CNGB3: variants seen among roughly 807,000 people sequenced by gnomAD.
CNGB3 encodes the protein cyclic nucleotide gated channel subunit beta 3.
In CNGB3, 86 loss-of-function variants were observed where a neutral mutation model predicts 92.8. That is an observed-to-expected ratio of 0.93 (90% CI 0.78 to 1.11). The LOEUF is 1.11. CNGB3 is among the 50% of genes least tolerant of loss of function. CNGB3 has a pLI of 0.00. For missense variants in CNGB3, 1,026 were observed against 956.8 expected (o/e 1.07, Z -0.95); for synonymous variants, 333 against 332.7 (o/e 1.00, Z -0.01).
chr8:86,698,073 A>C (rs1824484586), intron 3 of CNGB3, among the ~76,000 whole-genome samples: 1 of 152,120 alleles, frequency 6.6e-6, no homozygotes, highest in Non-Finnish European at 1.5e-5. Context: ...TTATTTTCTA[A>C]GTGCTCAAAA....
intron 15 of CNGB3, among the ~76,000 whole-genome samples, chr8:86,588,474 T>C (rs1585950672): frequency 6.9e-6 from 1 of 144,384 alleles, no homozygotes; most frequent in South Asian, 2.3e-4. Flanking sequence ...TGGCTGTGGG[T>C]TTGTCATAGA....
intron 3 of CNGB3, among the ~76,000 whole-genome samples, chr8:86,696,183 G>T (rs981274052): frequency 6.6e-6 from 1 of 152,180 alleles, no homozygotes; most frequent in Non-Finnish European, 1.5e-5. Flanking sequence ...ATTAGCCAGG[G>T]CGTTGCAGGC....
chr8:86,736,366 C>G (rs1825251329), intron 2 of CNGB3, among the ~76,000 whole-genome samples: 1 of 152,142 alleles, frequency 6.6e-6, no homozygotes, highest in Admixed American at 6.5e-5. Flanking sequence ...TCCTTCTACT[C>G]AAATAGCTCC....
chr8:86,596,338 A>G (rs1822170775), intron 15 of CNGB3, among the ~76,000 whole-genome samples: 1 of 152,190 alleles, frequency 6.6e-6, no homozygotes, highest in South Asian at 2.1e-4. Flanking sequence ...ATATTACAAG[A>G]GTTATAGAAA....
chr8:86,695,891 C>T (rs1181265797), intron 3 of CNGB3, among the ~76,000 whole-genome samples: 1 of 152,100 alleles, frequency 6.6e-6, no homozygotes, highest in Non-Finnish European at 1.5e-5. Flanking sequence ...TTCCTGAGAG[C>T]TAGACCACAG....
chr8:86,638,173 C>A (rs994573164), intron 10 of CNGB3, among the ~76,000 whole-genome samples: 3 of 152,090 alleles, frequency 2.0e-5, no homozygotes, highest in Admixed American at 6.6e-5. Context: ...AATAGAGCTT[C>A]TGTGAAAATT....
chr8:86,708,310 G>A (rs576174305), intron 3 of CNGB3, among the ~76,000 whole-genome samples: 19 of 152,196 alleles, frequency 1.2e-4, no homozygotes, highest in African/African-American at 3.6e-4. Context: ...AGTGAGGGAC[G>A]GTAGCAGTCA....
intron 11 of CNGB3, among the ~76,000 whole-genome samples, chr8:86,630,087 GCC>G (rs1822931851): frequency 6.6e-6 from 1 of 152,054 alleles, no homozygotes; most frequent in Admixed American, 6.6e-5. Flanking sequence ...CATTTTTAGA[GCC>G]AAAAAATTCT....
At chr8:86,703,542 G>A (rs1381110362) in intron 3 of CNGB3, among the ~76,000 whole-genome samples, 2 of 152,176 alleles carry the variant, frequency 1.3e-5, no homozygotes, top group Non-Finnish European at 2.9e-5. Flanking sequence ...CGGCACTAGA[G>A]GGCAGTGTGA....
At chr8:86,701,464 A>G (rs1824554482) in intron 3 of CNGB3, among the ~76,000 whole-genome samples, 1 of 152,178 alleles carries the variant, frequency 6.6e-6, no homozygotes, top group Non-Finnish European at 1.5e-5. Flanking sequence ...CATCTCATAA[A>G]TCTTCTAATT....
intron 6 of CNGB3, chr8:86,659,796 G>T: frequency 2.6e-6 from 1 of 379,368 alleles, no homozygotes. Context: ...TCAGTTGCTT[G>T]CTTTCTTTTC....
At chr8:86,625,796 A>G (rs963178110) in intron 13 of CNGB3, among the ~76,000 whole-genome samples, 187 bp downstream of exon 13, 2 of 151,784 alleles carry the variant, frequency 1.3e-5, no homozygotes. Context: ...AGAGGGTTCT[A>G]AAGAATAAGC....
intron 12 of CNGB3, among the ~76,000 whole-genome samples, chr8:86,627,138 A>T (rs56254697): frequency 2.0e-5 from 3 of 152,058 alleles, no homozygotes; most frequent in Admixed American, 6.6e-5. Flanking sequence ...TTTAGAAAAG[A>T]GAGAAATTGC....
chr8:86,612,853 A>G (rs1420176994), intron 13 of CNGB3, among the ~76,000 whole-genome samples: 1 of 152,230 alleles, frequency 6.6e-6, no homozygotes, highest in Non-Finnish European at 1.5e-5. Flanking sequence ...AATACTGATG[A>G]GAAGCTGTTT....
At chr8:86,717,738 C>T (rs1272495914) in intron 3 of CNGB3, among the ~76,000 whole-genome samples, 2 of 152,106 alleles carry the variant, frequency 1.3e-5, no homozygotes, top group Non-Finnish European at 1.5e-5. Flanking sequence ...CTGGAACATT[C>T]TTCAAGATAG....
At chr8:86,667,878 G>C in intron 5 of CNGB3, 141 bp downstream of exon 5, 1 of 936,122 alleles carries the variant, frequency 1.1e-6, no homozygotes, top group African/African-American at 1.6e-5. Context: ...ATCCTTTGCA[G>C]GTTATTTAAT....
At chr8:86,739,104 T>C (rs1247758813) in intron 2 of CNGB3, among the ~76,000 whole-genome samples, 1 of 151,942 alleles carries the variant, frequency 6.6e-6, no homozygotes, top group Non-Finnish European at 1.5e-5. Flanking sequence ...TAGTGATGAG[T>C]TGAAAAATAT....
At chr8:86,640,485 G>A (rs1455157489) in intron 10 of CNGB3, among the ~76,000 whole-genome samples, 1 of 152,064 alleles carries the variant, frequency 6.6e-6, no homozygotes, top group Non-Finnish European at 1.5e-5. Flanking sequence ...GCATGGTAAG[G>A]AAGTCCCCTC....
At chr8:86,714,246 C>G (rs1824805058) in intron 3 of CNGB3, among the ~76,000 whole-genome samples, 1 of 152,114 alleles carries the variant, frequency 6.6e-6, no homozygotes, top group African/African-American at 2.4e-5. Context: ...TTTGCCTTCT[C>G]CAGAATAGCT....
Sources: allele counts gnomAD v4.1 joint callset (sites outside exome capture counted in the v4.1 genomes callset), GRCh38; gene constraint gnomAD v4.1.1; transcripts MANE v1.5; gene names NCBI Gene and HGNC (gene_info 2026-07-23, HGNC 2026-07-21).